TRRAP: variants seen among roughly 807,000 people sequenced by gnomAD.
The protein encoded by TRRAP is transformation/transcription domain associated protein.
In TRRAP, 41 loss-of-function variants were observed where a neutral mutation model predicts 438.8. The ratio of observed to expected loss-of-function variants is 0.09; its 90% CI spans 0.07 to 0.12. The LOEUF is 0.12. Ranked by LOEUF, TRRAP falls within the 10% of genes least tolerant of loss-of-function variation. TRRAP has a pLI of 1.00. For missense variants in TRRAP, 3,122 were observed against 5,055.1 expected, an observed-to-expected ratio of 0.62 and a Z score of 11.60; for synonymous variants, 1,994 against 1,962.9, an observed-to-expected ratio of 1.02 and a Z score of -0.42.
intron 1 of TRRAP, among the ~76,000 whole-genome samples, chr7:98,879,566 G>A (rs1795325607): frequency 6.6e-6 from 1 of 152,204 alleles, no homozygotes; most frequent in Non-Finnish European, 1.5e-5. Flanking sequence ...CCCCTCGGAT[G>A]GGGATGGGCA....
chr7:98,908,831 G>A lies in TRRAP; in HGVS notation c.1219G>A (p.Asp407Asn), dbSNP rs782772821. 4.3e-6 allele frequency: 7 copies of A among 1,612,782 alleles called. No homozygotes were observed. Among genetic ancestry groups the A allele is most frequent in the East Asian group, 2.2e-5 (1 of 44,842 alleles). Reference protein sequence around the residue: ...LAVQLFAKNIDDESLPSSIQT... With the variant: ...LAVQLFAKNINDESLPSSIQT... ...CGTCCAGCTCTTCGCCAAGAACATC[G>A]ACGATGAGTCCCTGCCCAGCAGCAT... The change falls in exon 14 of 73, where the codon GAC becomes AAC. Residue 407 changes from aspartate to asparagine, a missense_variant. Physicochemically the swap from Asp to Asn is conservative, Grantham distance 23. This residue lies in a region of TRRAP where 343 missense variants were observed against 564.0 expected (regional missense o/e 0.61). Transcript: ENST00000456197. This position sits in a 1 kb window ranked among gnomAD's most constrained non-coding sequence, Gnocchi z 4.1.
chr7:98,989,666 C>T (rs3801244), intron 63 of TRRAP, among the ~76,000 whole-genome samples: 14,481 of 152,272 alleles, frequency 0.095, 783 homozygotes, highest in East Asian at 0.27. Context: ...CAGCTACACG[C>T]ACTGCTTCAG....
At chr7:98,879,044 G>A (rs1795298206) in intron 1 of TRRAP, among the ~76,000 whole-genome samples, 3 of 152,152 alleles carry the variant, frequency 2.0e-5, no homozygotes, top group Non-Finnish European at 4.4e-5. Flanking sequence ...CCTCTACGCC[G>A]GCACTGGACT....
intron 28 of TRRAP, among the ~76,000 whole-genome samples, chr7:98,936,814 C>G (rs1325444945): frequency 5.9e-5 from 9 of 152,208 alleles, no homozygotes; most frequent in African/African-American, 2.2e-4. Context: ...CTGGACTTCA[C>G]TCTTAGATTA....
chr7:98,990,585 C>G lies in TRRAP; in HGVS notation c.9722C>G (p.Ser3241Trp). The G allele has an allele frequency of 6.2e-7, 1 of 1,613,954 alleles. No individual in the cohort carries two copies. The highest frequency in any genetic ancestry group is 8.5e-7 in the Non-Finnish European group (1 of 1,179,864). ...CAGCTGCTCACCTGCCTGGTTGGCT[C>G]GGAGGGAAAGCTGCTCTTGAACCTC... ...IPQLLTCLVG[S>W]EGKLLLNLIS... is the part of the protein sequence containing the mutation. The change falls in exon 64 of 73, where the codon TCG becomes TGG. Residue 3241 changes from serine (S) to tryptophan (W), a missense_variant. This residue lies in a region of TRRAP where 52 missense variants were observed against 88.3 expected (regional missense o/e 0.59). Coordinates refer to ENST00000456197, the MANE Select transcript of TRRAP (RefSeq NM_001375524.1).
chr7:98,931,180 G>A (rs1006440245), intron 25 of TRRAP, among the ~76,000 whole-genome samples: 2 of 152,236 alleles, frequency 1.3e-5, no homozygotes, highest in East Asian at 1.9e-4. Flanking sequence ...GGCATTGCCA[G>A]CTTATCTGGT....
rs146801443 is a variant in TRRAP, at chr7:98,910,167, C to A, written c.1462C>A (p.Pro488Thr). Residue 488 changes from proline (P) to threonine (T), a missense_variant, in exon 15 of 73, where the codon CCC becomes ACC. This residue lies in a region of TRRAP where 115 missense variants were observed against 124.6 expected (regional missense o/e 0.92). Coordinates refer to ENST00000456197, the MANE Select transcript of TRRAP (RefSeq NM_001375524.1). ...GAVEAALPGVPTAPAAPGPAP... is the reference protein window; with the variant it reads ...GAVEAALPGVTTAPAAPGPAP... Reference sequence around the variant, plus strand: ...CGTGGAAGCAGCTCTGCCTGGGGTGCCCACTGCCCCTGCAGCTCCTGGCCC... The same window carrying A: ...CGTGGAAGCAGCTCTGCCTGGGGTGACCACTGCCCCTGCAGCTCCTGGCCC... 1.3e-5 allele frequency: 21 copies of A among 1,611,814 alleles called. No homozygotes were observed. Among genetic ancestry groups the A allele is most frequent in the Non-Finnish European group, 1.8e-5 (21 of 1,179,456 alleles).
At chr7:98,975,977 C>T in intron 53 of TRRAP, 172 bp from the exon 54 acceptor site, 2 of 871,562 alleles carry the variant, frequency 2.3e-6, no homozygotes, top group Non-Finnish European at 3.3e-6. Context: ...CTTCCCACCA[C>T]TCAGGATCTG....
At chr7:98,961,219 G>C (rs532492508) in intron 45 of TRRAP, 42 bp from the exon 46 acceptor site, 1 of 1,593,116 alleles carries the variant, frequency 6.3e-7, no homozygotes, top group Admixed American at 1.7e-5. Flanking sequence ...TTGTCATTGA[G>C]TGTTTGTTTC....
At position 98,976,009 on chromosome 7, in the gene TRRAP, C is replaced by T; in HGVS notation, c.7840-140C>T. 1 of 1,137,868 alleles carries T rather than the reference C, an allele frequency of 8.8e-7. No homozygotes were observed. Among genetic ancestry groups the T allele is most frequent in the Non-Finnish European group, 1.2e-6 (1 of 830,906 alleles). The allele number at this position is 1,137,868 out of a possible 1,614,324, so 70.5% of individuals were successfully genotyped here. A position where few individuals can be genotyped will look rare whatever the true frequency, so the allele number is the denominator to read the frequency against. On this transcript the variant is annotated intron_variant, in intron 53 of 72. Transcript: ENST00000456197. The surrounding 1 kb of genome is among the most constrained non-coding windows in gnomAD (Gnocchi z 4.6). ...TCTGTGGGCTTTTACTCTAACATGGCATTTTCTCAGATCTTTGAAACTTTG... is the reference window on the plus strand; with the variant it reads ...TCTGTGGGCTTTTACTCTAACATGGTATTTTCTCAGATCTTTGAAACTTTG...
chr7:98,910,439 AT>A lies in TRRAP; in HGVS notation c.1714+21del, dbSNP rs781884549. ...CTGGTGGTAATTCTGCTCTTCAGTT[AT>A]GTAGACAAACAATAGTTTTCATAAA... On this transcript the variant is annotated intron_variant, in intron 15 of 72. Transcript: ENST00000456197. 1.2e-6 allele frequency: 2 copies of A among 1,612,012 alleles called. No homozygotes were observed. The highest frequency in any genetic ancestry group is 2.2e-5 in the East Asian group (1 of 44,882).
chr7:98,975,223 T>C (rs1218331555), intron 53 of TRRAP, among the ~76,000 whole-genome samples: 1 of 152,210 alleles, frequency 6.6e-6, no homozygotes, highest in Non-Finnish European at 1.5e-5. Context: ...CTTGAAAGAT[T>C]TGTATCCTTG....
At chr7:98,984,488 G>A in intron 61 of TRRAP, 130 bp downstream of exon 61, 1 of 1,159,578 alleles carries the variant, frequency 8.6e-7, no homozygotes, top group Non-Finnish European at 1.2e-6. Flanking sequence ...TACAGCCTCA[G>A]TAAGGGGGAA....
chr7:99,012,653 C>T lies in TRRAP; in HGVS notation c.*298C>T, dbSNP rs1794478275. ...TCCGGTCTGGAATTTCTGAGTGAGT[C>T]CTTTTTTTATGGTGTCCTCCCTCTG... On this transcript the variant is annotated 3_prime_UTR_variant, in exon 73 of 73. Coordinates refer to ENST00000456197, the MANE Select transcript of TRRAP (RefSeq NM_001375524.1). This position sits in a 1 kb window ranked among gnomAD's most constrained non-coding sequence, Gnocchi z 5.9. 1 of 427,152 alleles carries T rather than the reference C, an allele frequency of 2.3e-6. No homozygotes were observed. The highest frequency in any genetic ancestry group is 4.2e-6 in the Non-Finnish European group (1 of 238,418). The allele number at this position is 427,152 out of a possible 1,614,324, so 26.5% of individuals were successfully genotyped here.
chr7:98,889,352 G>C (rs1218353043), intron 3 of TRRAP, among the ~76,000 whole-genome samples: 2 of 152,078 alleles, frequency 1.3e-5, no homozygotes, highest in Admixed American at 1.3e-4. Context: ...AGCATTTCCT[G>C]TAGGCAGTGT....
chr7:98,985,117 C>A, intron 62 of TRRAP, 73 bp downstream of exon 62: 2 of 1,095,368 alleles, frequency 1.8e-6, no homozygotes, highest in South Asian at 1.4e-5. Context: ...AACCTGAAGC[C>A]AATGTGAAGC....
At chr7:98,957,141 A>G (rs899640909) in intron 43 of TRRAP, among the ~76,000 whole-genome samples, 6 of 152,110 alleles carry the variant, frequency 3.9e-5, no homozygotes, top group African/African-American at 1.4e-4. Context: ...GCCTCGCTCC[A>G]CACATCTGGT....
chr7:98,994,437 C>A lies in TRRAP; in HGVS notation c.10048-150C>A. ...GCACAGGCGTCCCGTTTCTTGCACA[C>A]GCCGATTTCATGCCTGCTGTGTGTG... On this transcript the variant is annotated intron_variant, in intron 66 of 72. Coordinates refer to ENST00000456197, the MANE Select transcript of TRRAP (RefSeq NM_001375524.1). The surrounding 1 kb of genome is among the most constrained non-coding windows in gnomAD (Gnocchi z 4.8). 1 of 1,184,234 alleles carries A rather than the reference C, an allele frequency of 8.4e-7. No individual in the cohort carries two copies. The highest frequency in any genetic ancestry group is 1.2e-6 in the Non-Finnish European group (1 of 838,260). 73.4% of individuals were successfully genotyped at this position (1,184,234 alleles called of 1,614,324 possible). A position where few individuals can be genotyped will look rare whatever the true frequency, so the allele number is the denominator to read the frequency against.
intron 3 of TRRAP, among the ~76,000 whole-genome samples, chr7:98,886,546 A>C (rs1236209122): frequency 6.6e-6 from 1 of 152,172 alleles, no homozygotes; most frequent in African/African-American, 2.4e-5. Context: ...AGTATATAGC[A>C]GTATAGTTAG....
Sources: gnomAD v4.1 joint callset for allele counts (sites outside exome capture counted in the v4.1 genomes callset) on GRCh38, gnomAD v4.1.1 for gene constraint, gnomAD v4.1.1 regional missense constraint, Gnocchi (gnomAD v3.1) non-coding constraint, MANE v1.5 for transcripts, NCBI Gene and HGNC (gene_info 2026-07-23, HGNC 2026-07-21) for gene names.